The following SLC4A10 variants were observed in gnomAD, a reference collection of about 807,000 sequenced individuals.
SLC4A10 encodes sodium-driven chloride bicarbonate exchanger.
Under a neutral mutation model 137.7 loss-of-function variants are expected in SLC4A10, and 42 were observed. The ratio of observed to expected loss-of-function variants is 0.30; its 90% confidence interval spans 0.24 to 0.39. The LOEUF is 0.39. Ranked by LOEUF, SLC4A10 falls within the 10% of genes least tolerant of loss-of-function variation. SLC4A10 has a pLI of 1.00. For missense variants in SLC4A10, 925 were observed against 1,355.0 expected (o/e 0.68, Z 4.98); for synonymous variants, 474 against 464.1 (o/e 1.02, Z -0.27).
chr2:161,669,190 A>C (rs556913601), intron 1 of SLC4A10, among the ~76,000 whole-genome samples: 18 of 151,866 alleles, frequency 1.2e-4, no homozygotes, highest in Non-Finnish European at 2.1e-4. Flanking sequence ...ACTGTCTTTT[A>C]TTTTTACGAA....
chr2:161,719,621 G>A (rs1030724682), intron 1 of SLC4A10, among the ~76,000 whole-genome samples: 59 of 152,274 alleles, frequency 3.9e-4, no homozygotes, highest in Middle Eastern at 3.4e-3. Context: ...GTATCTCATT[G>A]TGGTTTTGAT....
At chr2:161,946,185 T>C (rs1404693649) in intron 16 of SLC4A10, among the ~76,000 whole-genome samples, 1 of 152,002 alleles carries the variant, frequency 6.6e-6, no homozygotes, top group African/African-American at 2.4e-5. Context: ...TAGCTTAACA[T>C]GAATAATTGG....
At chr2:161,950,271 T>G (rs369978669) in intron 18 of SLC4A10, among the ~76,000 whole-genome samples, 1 of 152,170 alleles carries the variant, frequency 6.6e-6, no homozygotes, top group African/African-American at 2.4e-5. Context: ...TGTGTCAATA[T>G]GCTATTTGTA....
At chr2:161,680,339 A>T (rs567576297) in intron 1 of SLC4A10, among the ~76,000 whole-genome samples, 1 of 152,300 alleles carries the variant, frequency 6.6e-6, no homozygotes, top group Admixed American at 6.6e-5. Flanking sequence ...ATTTTAGTAG[A>T]TCAACAGGAT....
At chr2:161,880,109 C>T (rs1224663157) in intron 9 of SLC4A10, among the ~76,000 whole-genome samples, 1 of 152,136 alleles carries the variant, frequency 6.6e-6, no homozygotes, top group African/African-American at 2.4e-5. Flanking sequence ...CAGTGTGATT[C>T]CAAAATGCAG....
intron 1 of SLC4A10, among the ~76,000 whole-genome samples, chr2:161,741,219 T>C (rs1326309480): frequency 7.1e-6 from 1 of 140,892 alleles, no homozygotes; most frequent in East Asian, 2.1e-4. Context: ...GCCGTGATCA[T>C]GCCATTGCAC....
At chr2:161,748,659 C>A (rs555038727) in intron 1 of SLC4A10, among the ~76,000 whole-genome samples, 1 of 152,102 alleles carries the variant, frequency 6.6e-6, no homozygotes, top group Non-Finnish European at 1.5e-5. Context: ...TGTGCAAATA[C>A]CATATGGTTT....
At chr2:161,869,300 T>C (rs114460145) in intron 6 of SLC4A10, among the ~76,000 whole-genome samples, 5,088 of 151,762 alleles carry the variant, frequency 0.034, 121 homozygotes, top group African/African-American at 0.066. Context: ...ATTCTTCTTA[T>C]GTAATAGTAT....
At chr2:161,972,049 G>A (rs1698624685) in intron 23 of SLC4A10, among the ~76,000 whole-genome samples, 1 of 152,078 alleles carries the variant, frequency 6.6e-6, no homozygotes, top group African/African-American at 2.4e-5. Context: ...AAGCACTGAC[G>A]GCACTGTTCT....
chr2:161,742,533 T>C (rs1290782252), intron 1 of SLC4A10, among the ~76,000 whole-genome samples: 1 of 145,906 alleles, frequency 6.9e-6, no homozygotes, highest in Admixed American at 6.9e-5. Context: ...CTCTGCCTCC[T>C]GAGTTCAAGG....
intron 4 of SLC4A10, among the ~76,000 whole-genome samples, chr2:161,848,221 A>G (rs369382343): frequency 4.6e-5 from 7 of 152,092 alleles, no homozygotes; most frequent in African/African-American, 1.7e-4. Context: ...CACTTTTTAA[A>G]TAGGGTTGTT....
intron 21 of SLC4A10, among the ~76,000 whole-genome samples, chr2:161,961,758 C>A (rs1040277018): frequency 6.6e-6 from 1 of 151,908 alleles, no homozygotes; most frequent in Non-Finnish European, 1.5e-5. Context: ...TGAACAAGAA[C>A]GTCAAGTTTT....
At chr2:161,930,628 G>C (rs1690178762) in intron 15 of SLC4A10, among the ~76,000 whole-genome samples, 1 of 151,648 alleles carries the variant, frequency 6.6e-6, no homozygotes, top group Non-Finnish European at 1.5e-5. Context: ...TCAATAGCTA[G>C]AAAGGGGCAG....
At chr2:161,697,404 G>T (rs912542028) in intron 1 of SLC4A10, among the ~76,000 whole-genome samples, 13 of 152,138 alleles carry the variant, frequency 8.5e-5, no homozygotes, top group African/African-American at 3.1e-4. Flanking sequence ...GAATGGTATT[G>T]CCTGGGTTTT....
chr2:161,698,292 C>T (rs1052454369), intron 1 of SLC4A10, among the ~76,000 whole-genome samples: 1 of 152,100 alleles, frequency 6.6e-6, no homozygotes, highest in Admixed American at 6.6e-5. Flanking sequence ...ATTGAATACC[C>T]TTTATTTCTT....
intron 15 of SLC4A10, among the ~76,000 whole-genome samples, chr2:161,915,374 A>G (rs1007857709): frequency 7.2e-5 from 11 of 152,208 alleles, no homozygotes; most frequent in Non-Finnish European, 1.2e-4. Flanking sequence ...AAAAGAATTC[A>G]CAACATGCCA....
intron 21 of SLC4A10, among the ~76,000 whole-genome samples, chr2:161,960,596 T>C (rs774141484): frequency 4.6e-5 from 7 of 151,728 alleles, no homozygotes; most frequent in Non-Finnish European, 8.8e-5. Context: ...GGTGCATGCC[T>C]GTAATCCCAG....
chr2:161,914,992 C>T lies in SLC4A10; in HGVS notation c.1997+9105C>T, dbSNP rs995748408. Among the ~76,000 whole-genome samples, 8 of 152,194 alleles carry T rather than the reference C, an allele frequency of 5.3e-5. 1 individual carries two copies. Among genetic ancestry groups the T allele is most frequent in the Admixed American group, 3.9e-4 (6 of 15,280 alleles). On this transcript the variant is annotated intron_variant, in intron 15 of 26. Transcript: ENST00000446997. ...CCATCCCTGTGTGCCTGTTCTCTTC[C>T]GATTGGTTCTTTCTGAATAATATCT...
intron 1 of SLC4A10, among the ~76,000 whole-genome samples, chr2:161,717,350 G>C (rs916339313): frequency 5.3e-5 from 8 of 152,210 alleles, no homozygotes; most frequent in Non-Finnish European, 1.2e-4. Context: ...AGTGGTGAGA[G>C]AGCATCCTTG....
Sources: allele counts gnomAD v4.1 joint callset (sites outside exome capture counted in the v4.1 genomes callset), GRCh38; gene constraint gnomAD v4.1.1; transcripts MANE v1.5; gene names NCBI Gene and HGNC (gene_info 2026-07-23, HGNC 2026-07-21).